SERPINB5: variants seen among roughly 807,000 people sequenced by gnomAD.
The protein encoded by SERPINB5 is serpin B5.
In SERPINB5, 27 loss-of-function variants were observed where a neutral mutation model predicts 32.2. The ratio of observed to expected loss-of-function variants is 0.84; its 90% CI spans 0.62 to 1.16. The LOEUF (loss-of-function observed/expected upper bound fraction) is 1.16, where lower values mean the gene tolerates loss of function less well. SERPINB5 is among the 50% of genes most tolerant of loss of function. SERPINB5 has a pLI of 0.00. For synonymous variants in SERPINB5, 154 were observed against 157.4 expected, an observed-to-expected ratio of 0.98 and a Z score of 0.16; for missense variants, 388 against 436.3, an observed-to-expected ratio of 0.89 and a Z score of 0.99.
At chr18:63,494,624 C>T (rs1568111177) in intron 5 of SERPINB5, among the ~76,000 whole-genome samples, 1 of 152,138 alleles carries the variant, frequency 6.6e-6, no homozygotes, top group Non-Finnish European at 1.5e-5. Flanking sequence ...AATATAGTAG[C>T]ACCTTCTTAA....
Position 63,498,074 on chromosome 18 carries a change from TTTG to T in SERPINB5, c.568-1037_568-1035del, listed in dbSNP as rs1307268833. ...TTGTTTTGTTCTGCTATGTGCTAAGTTTGTTGTTGTTATTGTTCTGTTTTGTTT... is the reference window on the plus strand; with the variant it reads ...TTGTTTTGTTCTGCTATGTGCTAAGTTTGTTGTTATTGTTCTGTTTTGTTT... On this transcript the variant is annotated intron_variant, in intron 5 of 6. Transcript: ENST00000382771. The surrounding 1 kb of genome is among the most constrained non-coding windows in gnomAD (Gnocchi z 4.2). Among the ~76,000 whole-genome samples, 2 of 152,046 alleles carry T rather than the reference TTTG, an allele frequency of 1.3e-5. No individual in the cohort carries two copies. The highest frequency in any genetic ancestry group is 4.8e-5 in the African/African-American group (2 of 41,392).
At chr18:63,497,498 T>TG (rs1174874338) in intron 5 of SERPINB5, 36 of 183,642 alleles carry the variant, frequency 2.0e-4, no homozygotes, top group African/African-American at 1.3e-3. Context: ...ACAACGTTTC[T>TG]GAAAAAAAAA....
chr18:63,479,055 C>T (rs746285976), intron 1 of SERPINB5, among the ~76,000 whole-genome samples: 10 of 152,114 alleles, frequency 6.6e-5, no homozygotes, highest in South Asian at 2.1e-4. Context: ...CCACTGTACC[C>T]GGCCAAAAGT....
At chr18:63,477,910 G>T (rs1193499042) in intron 1 of SERPINB5, among the ~76,000 whole-genome samples, 1 of 152,128 alleles carries the variant, frequency 6.6e-6, no homozygotes, top group Admixed American at 6.5e-5. Flanking sequence ...GTGTCCAAAG[G>T]CACACAGCTT....
chr18:63,498,787 C>A lies in SERPINB5; in HGVS notation c.568-333C>A, dbSNP rs1909504098. Among the ~76,000 whole-genome samples, 2 of 148,638 alleles carry A rather than the reference C, an allele frequency of 1.3e-5. No homozygotes were observed. ...TGTACATATATATTTATGTGTTTGC[C>A]TATATATGTGTATATATGTGCATGT... is the stretch of plus-strand genomic sequence containing the variant. On this transcript the variant is annotated intron_variant, in intron 5 of 6. Coordinates refer to ENST00000382771, the MANE Select transcript of SERPINB5 (RefSeq NM_002639.5). This position sits in a 1 kb window ranked among gnomAD's most constrained non-coding sequence, Gnocchi z 4.2.
chr18:63,477,819 C>T (rs992257395), intron 1 of SERPINB5, among the ~76,000 whole-genome samples: 1 of 152,198 alleles, frequency 6.6e-6, no homozygotes, highest in African/African-American at 2.4e-5. Flanking sequence ...ACCAGATCCT[C>T]AGAGCTGGGG....
intron 1 of SERPINB5, among the ~76,000 whole-genome samples, chr18:63,477,986 C>T (rs1009262362): frequency 2.0e-5 from 3 of 152,124 alleles, no homozygotes; most frequent in Admixed American, 1.3e-4. Context: ...TCCACAACAC[C>T]GTGGGTTCTG....
At chr18:63,495,548 C>G (rs994866238) in intron 5 of SERPINB5, among the ~76,000 whole-genome samples, 1 of 152,202 alleles carries the variant, frequency 6.6e-6, no homozygotes, top group African/African-American at 2.4e-5. Flanking sequence ...GACCCCAGAG[C>G]CAGCCTGGAA....
rs555410498 is a variant in SERPINB5 at position 63,480,505 on chromosome 18, A to G, written c.-8+3460A>G. Among the ~76,000 whole-genome samples, 3 of 152,360 alleles carry G rather than the reference A, an allele frequency of 2.0e-5. No homozygotes were observed. The South Asian group carries it at 6.2e-4, about 32-fold the overall frequency. On this transcript the variant is annotated intron_variant, in intron 1 of 6. Transcript: ENST00000382771. ...AGTCATTAGGCACATTAAATTTATT[A>G]TATAGGAATTGCTAATCTCTACTCT...
intron 5 of SERPINB5, chr18:63,497,348 C>T: frequency 3.1e-6 from 4 of 1,306,428 alleles, no homozygotes; most frequent in Non-Finnish European, 4.4e-6. Flanking sequence ...CTGTCTGAGG[C>T]CATGGGGCTC....
intron 3 of SERPINB5, 146 bp downstream of exon 3, chr18:63,487,229 G>A (rs1047992131): frequency 1.8e-5 from 14 of 783,326 alleles, no homozygotes; most frequent in Non-Finnish European, 2.6e-5. Flanking sequence ...AAATCCTAGT[G>A]GAGAGGTTGA....
chr18:63,483,207 C>A (rs1917153129), intron 1 of SERPINB5, among the ~76,000 whole-genome samples: 1 of 152,208 alleles, frequency 6.6e-6, no homozygotes, highest in African/African-American at 2.4e-5. Context: ...ACTGTTCCCT[C>A]TTTTCTTTAA....
intron 6 of SERPINB5, among the ~76,000 whole-genome samples, chr18:63,503,029 C>A (rs1909600967): frequency 6.6e-6 from 1 of 151,856 alleles, no homozygotes; most frequent in South Asian, 2.1e-4. Context: ...CTAAAAAAAA[C>A]CCAAACAAAC....
chr18:63,482,400 C>T (rs140880878), intron 1 of SERPINB5, among the ~76,000 whole-genome samples: 8 of 152,306 alleles, frequency 5.3e-5, no homozygotes, highest in South Asian at 4.1e-4. Flanking sequence ...ATGTCACATT[C>T]GGCCCTTGTG....
At chr18:63,478,594 C>CATATTATA (rs1917073680) in intron 1 of SERPINB5, among the ~76,000 whole-genome samples, 1 of 152,118 alleles carries the variant, frequency 6.6e-6, no homozygotes, top group African/African-American at 2.4e-5. Context: ...TGTTTTTTGG[C>CATATTATA]ATTCCATTAC....
intron 3 of SERPINB5, among the ~76,000 whole-genome samples, chr18:63,487,585 G>C (rs1326404648): frequency 1.3e-5 from 2 of 152,166 alleles, no homozygotes. Context: ...ATTTTCATCA[G>C]TCACAAATTA....
At chr18:63,487,620 T>C (rs1917236691) in intron 3 of SERPINB5, among the ~76,000 whole-genome samples, 2 of 152,188 alleles carry the variant, frequency 1.3e-5, no homozygotes, top group South Asian at 2.1e-4. Context: ...GCTGGTCAGA[T>C]GGGGATCTCC....
chr18:63,487,178 T>A, intron 3 of SERPINB5, 95 bp downstream of exon 3: 2 of 1,216,358 alleles, frequency 1.6e-6, no homozygotes, highest in African/African-American at 1.5e-5. Flanking sequence ...GTGAAATTCC[T>A]TTCTAGGATG....
rs918240577 is a variant in SERPINB5, at chr18:63,498,961, G to A, written c.568-159G>A. On this transcript the variant is annotated intron_variant, in intron 5 of 6. Coordinates refer to ENST00000382771, the MANE Select transcript of SERPINB5 (RefSeq NM_002639.5). This position sits in a 1 kb window ranked among gnomAD's most constrained non-coding sequence, Gnocchi z 4.2. ...TGTATGTATATATGTATGTGTATCT[G>A]TATATATATAGGTGTAGGTATATAT... is the stretch of plus-strand genomic sequence containing the variant. Among the ~76,000 whole-genome samples, 2 of 149,574 alleles carry A rather than the reference G, an allele frequency of 1.3e-5. No homozygotes were observed. Among genetic ancestry groups the A allele is most frequent in the African/African-American group, 4.9e-5 (2 of 40,712 alleles).
Sources: allele counts gnomAD v4.1 joint callset (sites outside exome capture counted in the v4.1 genomes callset), GRCh38; gene constraint gnomAD v4.1.1; non-coding constraint Gnocchi (gnomAD v3.1); transcripts MANE v1.5; gene names NCBI Gene and HGNC (gene_info 2026-07-23, HGNC 2026-07-21).